MON2: variants seen among roughly 807,000 people sequenced by gnomAD.
The protein encoded by MON2 is MON2 regulator of endosome-to-Golgi trafficking.
MON2 carries 84 observed loss-of-function variants against 208.6 expected under a neutral mutation model. The ratio of observed to expected loss-of-function variants is 0.40; its 90% CI spans 0.34 to 0.48. The LOEUF is 0.48. MON2 is among the 20% of genes least tolerant of loss of function. The pLI is 0.59. For synonymous variants in MON2, 660 were observed against 694.0 expected, an observed-to-expected ratio of 0.95 and a Z score of 0.77; for missense variants, 1,611 against 2,015.4, an observed-to-expected ratio of 0.80 and a Z score of 3.84.
In MON2 at chr12:62,534,809, A is replaced by G. The variant is rs764527839; in HGVS notation, c.1634-36A>G. The G allele has an allele frequency of 1.1e-5, 16 of 1,478,558 alleles. No individual in the cohort carries two copies. The African/African-American group carries it at 2.0e-4, about 18-fold the overall frequency. The allele number at this position is 1,478,558 out of a possible 1,614,324, so 91.6% of individuals were successfully genotyped here. ...ATTAATACATATTGTGCTATCTATA[A>G]TTAAAATTAAATATTGTATGTTTTT... is the stretch of plus-strand genomic sequence containing the variant. On this transcript the variant is annotated intron_variant, in intron 12 of 34. Transcript: ENST00000393630.
Position 62,592,866 on chromosome 12 carries a change from C to A in MON2, c.*117C>A. 9.2e-7 allele frequency: 1 copy of A among 1,088,014 alleles called. No homozygotes were observed. The highest frequency in any genetic ancestry group is 1.3e-6 in the Non-Finnish European group (1 of 776,222). 67.4% of individuals were successfully genotyped at this position (1,088,014 alleles called of 1,614,324 possible). A position where few individuals can be genotyped will look rare whatever the true frequency, so the allele number is the denominator to read the frequency against. On this transcript the variant is annotated 3_prime_UTR_variant, in exon 35 of 35. Coordinates refer to ENST00000393630, the MANE Select transcript of MON2 (RefSeq NM_015026.3). Reference sequence around the variant, plus strand: ...ATAATTCTTGGCAGCTGTTGTTGGCCTCCTTTAAATTCTACTTACCTGAGT... The same window carrying A: ...ATAATTCTTGGCAGCTGTTGTTGGCATCCTTTAAATTCTACTTACCTGAGT...
intron 25 of MON2, among the ~76,000 whole-genome samples, chr12:62,558,783 T>G (rs1592394465): frequency 6.7e-6 from 1 of 150,350 alleles, no homozygotes; most frequent in Non-Finnish European, 1.5e-5. Context: ...CTGAAACCTC[T>G]GCCTCCTAGG....
At chr12:62,555,847 G>T in intron 24 of MON2, 147 bp from the exon 25 acceptor site, 1 of 592,486 alleles carries the variant, frequency 1.7e-6, no homozygotes, top group Non-Finnish European at 2.9e-6. Context: ...TTACTCTATT[G>T]GTCAGTTTCC....
intron 23 of MON2, among the ~76,000 whole-genome samples, chr12:62,552,124 G>A (rs530585168): frequency 3.3e-5 from 5 of 152,156 alleles, no homozygotes; most frequent in African/African-American, 1.2e-4. Flanking sequence ...GAGGATGTGT[G>A]TAGATTATAT....
At chr12:62,555,716 G>A (rs1009259782) in intron 24 of MON2, among the ~76,000 whole-genome samples, 1 of 151,486 alleles carries the variant, frequency 6.6e-6, no homozygotes, top group African/African-American at 2.4e-5. Flanking sequence ...GTCTGAGGCA[G>A]GAGAATCACT....
chr12:62,593,358 T>C lies in MON2; in HGVS notation c.*609T>C, dbSNP rs901950176. ...TATTTATTATTAATACAAAATTGTT[T>C]GCTTACATTTTTACTTATAATTTGC... On this transcript the variant is annotated 3_prime_UTR_variant, in exon 35 of 35. Coordinates refer to ENST00000393630, the MANE Select transcript of MON2 (RefSeq NM_015026.3). 6.6e-6 allele frequency: 1 copy of C among 152,490 alleles called. No homozygotes were observed. The highest frequency in any genetic ancestry group is 6.5e-5 in the Admixed American group (1 of 15,282). 9.4% of individuals were successfully genotyped at this position (152,490 alleles called of 1,614,324 possible). A position where few individuals can be genotyped will look rare whatever the true frequency, so the allele number is the denominator to read the frequency against.
chr12:62,574,980 G>A (rs2074724029), intron 30 of MON2, among the ~76,000 whole-genome samples: 1 of 151,948 alleles, frequency 6.6e-6, no homozygotes, highest in African/African-American at 2.4e-5. Flanking sequence ...TTAAAAATTA[G>A]CCAGATATGG....
chr12:62,532,479 A>G lies in MON2; in HGVS notation c.1442A>G (p.Glu481Gly). Residue 481 changes from glutamate (E) to glycine (G), a missense_variant, in exon 12 of 35, where the codon GAA becomes GGA. Coordinates refer to ENST00000393630, the MANE Select transcript of MON2 (RefSeq NM_015026.3). ...LDKVEPPTIP[E>G]GYAMSVAFHC... ...AAAGTTGAGCCTCCAACTATACCTG[A>G]AGGTTACGCCATGTCTGTGGCATTC... 6.2e-7 allele frequency: 1 copy of G among 1,614,134 alleles called. No homozygotes were observed. The highest frequency in any genetic ancestry group is 8.5e-7 in the Non-Finnish European group (1 of 1,179,982).
At position 62,598,077 on chromosome 12, in the gene MON2, T is replaced by G. The variant is rs2075562637; in HGVS notation, c.*5328T>G. On this transcript the variant is annotated 3_prime_UTR_variant, in exon 35 of 35. Coordinates refer to ENST00000393630, the MANE Select transcript of MON2 (RefSeq NM_015026.3). ...TATTGCCCATGTATTTCAACTATTT[T>G]CATTTTTCTGTTGCAAAGCAGTCTT... 1 of 152,188 alleles carries G rather than the reference T, an allele frequency of 6.6e-6. No individual in the cohort carries two copies. Among genetic ancestry groups the G allele is most frequent in the South Asian group, 2.1e-4 (1 of 4,834 alleles). 9.4% of individuals were successfully genotyped at this position (152,188 alleles called of 1,614,324 possible).
Position 62,537,165 on chromosome 12 carries a change from G to A in MON2, c.1915G>A (p.Gly639Ser). 6.2e-7 allele frequency: 1 copy of A among 1,609,772 alleles called. No homozygotes were observed. ...TTGTGTTCTAGCATATTCCGTTCAG[G>A]GCCAAAGTGTTATGATGATAAGTCC... is the stretch of plus-strand genomic sequence containing the variant. The part of the protein sequence containing the change: ...TLSNKSYSVQ[G>S]QSVMMISPSS... Residue 639 changes from glycine (G) to serine (S), a missense_variant, in exon 15 of 35, where the codon GGC becomes AGC. By Grantham distance (56) the Gly-to-Ser change is moderately conservative. Transcript: ENST00000393630.
At chr12:62,479,325 T>G (rs967007614) in intron 1 of MON2, among the ~76,000 whole-genome samples, 2 of 152,122 alleles carry the variant, frequency 1.3e-5, no homozygotes, top group African/African-American at 4.8e-5. Flanking sequence ...CGTGTGCATA[T>G]CTTCCCATAT....
At chr12:62,518,928 G>T (rs1205190347) in intron 8 of MON2, among the ~76,000 whole-genome samples, 1 of 152,160 alleles carries the variant, frequency 6.6e-6, no homozygotes, top group East Asian at 1.9e-4. Flanking sequence ...AAAGTTAGAT[G>T]CCTGGTAGTT....
intron 4 of MON2, among the ~76,000 whole-genome samples, chr12:62,496,862 G>A (rs1353910586): frequency 6.7e-6 from 1 of 150,262 alleles, no homozygotes; most frequent in Admixed American, 6.7e-5. Flanking sequence ...GCACACGTAT[G>A]TTTATTGCGG....
chr12:62,542,403 TACC>T (rs1459741475), intron 19 of MON2, among the ~76,000 whole-genome samples: 1 of 152,200 alleles, frequency 6.6e-6, no homozygotes, highest in Admixed American at 6.5e-5. Context: ...CTGTTTGAAA[TACC>T]ACGCCATCCA....
chr12:62,584,212 T>C (rs1305011306), intron 32 of MON2, among the ~76,000 whole-genome samples: 1 of 152,080 alleles, frequency 6.6e-6, no homozygotes, highest in Non-Finnish European at 1.5e-5. Flanking sequence ...TCTGATTCAG[T>C]AAGACTGGGA....
intron 30 of MON2, among the ~76,000 whole-genome samples, chr12:62,576,410 T>C (rs1185386606): frequency 2.0e-5 from 3 of 152,068 alleles, no homozygotes; most frequent in South Asian, 4.1e-4. Flanking sequence ...TTGTACAACT[T>C]TATGAATATA....
chr12:62,534,450 C>A (rs1340652968), intron 12 of MON2, among the ~76,000 whole-genome samples: 1 of 140,756 alleles, frequency 7.1e-6, no homozygotes, highest in African/African-American at 2.7e-5. Context: ...ACCCAGGAGG[C>A]GAAGGTTGCA....
chr12:62,590,425 T>G (rs2075362661), intron 34 of MON2, among the ~76,000 whole-genome samples: 1 of 152,200 alleles, frequency 6.6e-6, no homozygotes. Context: ...TACTTGATCT[T>G]TATTTAAAAT....
intron 34 of MON2, among the ~76,000 whole-genome samples, chr12:62,589,481 A>G (rs2075324077): frequency 6.6e-6 from 1 of 152,166 alleles, no homozygotes; most frequent in Non-Finnish European, 1.5e-5. Context: ...TGGCCTAGAA[A>G]GGGTATTATA....
Sources: allele counts gnomAD v4.1 joint callset (sites outside exome capture counted in the v4.1 genomes callset), GRCh38; gene constraint gnomAD v4.1.1; transcripts MANE v1.5; gene names NCBI Gene and HGNC (gene_info 2026-07-23, HGNC 2026-07-21).